Variants in LINGO2 observed in about 807,000 individuals in gnomAD.
The protein encoded by LINGO2 is leucine rich repeat and Ig domain containing 2.
In LINGO2, 14 loss-of-function variants were observed where a neutral mutation model predicts 30.6. The ratio of observed to expected loss-of-function variants is 0.46; its 90% CI spans 0.30 to 0.72. The LOEUF (loss-of-function observed/expected upper bound fraction) is 0.72. Ranked by LOEUF, LINGO2 falls within the 30% of genes least tolerant of loss-of-function variation. The pLI is 0.07. For missense variants in LINGO2, 729 were observed against 751.7 expected (o/e 0.97, Z 0.35); for synonymous variants, 317 against 288.5 (o/e 1.10, Z -1.00).
intron 4 of LINGO2, among the ~76,000 whole-genome samples, chr9:28,257,850 C>T (rs1187647450): frequency 6.6e-6 from 1 of 151,800 alleles, no homozygotes; most frequent in African/African-American, 2.4e-5. Flanking sequence ...ATTTAGTGAC[C>T]TTTTCTTCTG....
intron 4 of LINGO2, among the ~76,000 whole-genome samples, chr9:28,163,319 C>T (rs528635079): frequency 3.3e-5 from 5 of 152,168 alleles, no homozygotes; most frequent in African/African-American, 9.6e-5. Context: ...CTGAGGCAGA[C>T]GTTGAGTGTG....
chr9:28,307,109 C>A (rs4463520), intron 3 of LINGO2, among the ~76,000 whole-genome samples: 72 of 151,844 alleles, frequency 4.7e-4, no homozygotes, highest in African/African-American at 1.2e-3. Context: ...TACCAAAGCC[C>A]GGCAGAGACA....
At chr9:29,011,199 A>C in the LINGO2 span, among the ~76,000 whole-genome samples, 2 of 152,234 alleles carry the variant, frequency 1.3e-5, no homozygotes, top group East Asian at 3.9e-4. Flanking sequence ...ATTAATTATT[A>C]GAAGCAAAAT....
At chr9:28,199,640 T>C (rs1820156859) in intron 4 of LINGO2, among the ~76,000 whole-genome samples, 1 of 152,108 alleles carries the variant, frequency 6.6e-6, no homozygotes, top group Non-Finnish European at 1.5e-5. Flanking sequence ...GCCTGGCCCC[T>C]TCTTCATTTT....
chr9:28,272,647 C>G (rs912530886), intron 4 of LINGO2, among the ~76,000 whole-genome samples: 1 of 151,772 alleles, frequency 6.6e-6, no homozygotes, highest in South Asian at 2.1e-4. Context: ...TTTTTAATTC[C>G]CTTTATTCTT....
the LINGO2 span, among the ~76,000 whole-genome samples, chr9:28,830,398 A>G: frequency 6.6e-6 from 1 of 152,114 alleles, no homozygotes; most frequent in African/African-American, 2.4e-5. Context: ...ATTGCTTGTA[A>G]TCATCTGCTA....
chr9:28,998,180 G>C, the LINGO2 span, among the ~76,000 whole-genome samples: 3 of 152,174 alleles, frequency 2.0e-5, no homozygotes, highest in South Asian at 6.2e-4. Context: ...ATAGGAAAGA[G>C]TGCTATGATT....
intron 2 of LINGO2, among the ~76,000 whole-genome samples, chr9:28,403,452 T>C (rs1822355823): frequency 6.6e-6 from 1 of 152,150 alleles, no homozygotes; most frequent in African/African-American, 2.4e-5. Flanking sequence ...TTCTGGCTCT[T>C]TCTGTTCTAG....
the LINGO2 span, among the ~76,000 whole-genome samples, chr9:28,821,470 T>A: frequency 1.8e-4 from 28 of 152,328 alleles, no homozygotes; most frequent in Admixed American, 7.8e-4. Context: ...AATTTATTCA[T>A]ACAGATCACG....
At chr9:28,744,108 A>T in the LINGO2 span, among the ~76,000 whole-genome samples, 99,030 of 136,714 alleles carry the variant, frequency 0.72, 33,547 homozygotes, top group Non-Finnish European at 0.76. Flanking sequence ...ATATATATAT[A>T]TTTTTTTTCT....
At chr9:28,668,938 C>T (rs983226087) in intron 1 of LINGO2, among the ~76,000 whole-genome samples, 16 of 152,018 alleles carry the variant, frequency 1.1e-4, no homozygotes, top group Non-Finnish European at 1.8e-4. Context: ...AATGGAGACT[C>T]TTGAAATTAT....
chr9:29,078,143 C>A, the LINGO2 span, among the ~76,000 whole-genome samples: 1 of 151,724 alleles, frequency 6.6e-6, no homozygotes, highest in African/African-American at 2.4e-5. Context: ...ATTTAAGGAG[C>A]AAAGAAGAAA....
the LINGO2 span, among the ~76,000 whole-genome samples, chr9:28,998,182 G>T: frequency 6.6e-6 from 1 of 152,274 alleles, no homozygotes; most frequent in South Asian, 2.1e-4. Context: ...AGGAAAGAGT[G>T]CTATGATTGA....
exon 6 of LINGO2, chr9:27,949,185 G>A (rs148299908): frequency 3.1e-6 from 5 of 1,613,778 alleles, no homozygotes. Context: ...AGTTAAGGAG[G>A]CTGTGAAGGT....
the LINGO2 span, among the ~76,000 whole-genome samples, chr9:28,734,072 C>A: frequency 1.3e-5 from 2 of 152,086 alleles, no homozygotes; most frequent in African/African-American, 4.8e-5. Context: ...TTTTCTCTCT[C>A]TCTATATATA....
chr9:28,658,585 T>C (rs967279696), intron 1 of LINGO2, among the ~76,000 whole-genome samples: 1 of 152,128 alleles, frequency 6.6e-6, no homozygotes, highest in Non-Finnish European at 1.5e-5. Flanking sequence ...ACTATATGCA[T>C]GGAATAGCTT....
At chr9:28,176,023 T>G (rs546665464) in intron 4 of LINGO2, among the ~76,000 whole-genome samples, 1 of 152,340 alleles carries the variant, frequency 6.6e-6, no homozygotes, top group South Asian at 2.1e-4. Context: ...TACTTTTATC[T>G]AATAAAATCT....
rs565506665 is a variant in LINGO2 at position 27,965,676 on chromosome 9, T to C, written c.-35-14970A>G. 1.7e-4 allele frequency among the ~76,000 whole-genome samples: 26 copies of C among 152,284 alleles called. No individual in the cohort carries two copies. The East Asian group carries it at 5.0e-3, about 29-fold the overall frequency. ...TATTTTGATCTCTTTGGAATGCAAA[T>C]TATTTGCTCTTCTACAGTTCTGAAT... On this transcript the variant is annotated intron_variant, in intron 5 of 5. Transcript: ENST00000379992.
At chr9:28,238,331 C>A (rs1241128928) in intron 4 of LINGO2, among the ~76,000 whole-genome samples, 1 of 152,114 alleles carries the variant, frequency 6.6e-6, no homozygotes, top group African/African-American at 2.4e-5. Flanking sequence ...TTTCATCCAA[C>A]AGCTGCAGAA....
Sources: allele counts gnomAD v4.1 joint callset (sites outside exome capture counted in the v4.1 genomes callset), GRCh38; gene constraint gnomAD v4.1.1; transcripts MANE v1.5; gene names NCBI Gene and HGNC (gene_info 2026-07-23, HGNC 2026-07-21).